COBLL1: variants seen among roughly 807,000 people sequenced by gnomAD.
COBLL1 encodes cordon-bleu protein-like 1.
In COBLL1, 50 loss-of-function variants were observed where a neutral mutation model predicts 94.8. That is an observed-to-expected ratio of 0.53 (90% CI 0.42 to 0.67). The LOEUF (loss-of-function observed/expected upper bound fraction) is 0.67. Ranked by LOEUF, COBLL1 falls within the 30% of genes least tolerant of loss-of-function variation. The pLI is 0.00. For missense variants in COBLL1, 1,362 were observed against 1,348.7 expected (o/e 1.01, Z -0.15); for synonymous variants, 448 against 473.8 (o/e 0.95, Z 0.71).
At chr2:164,748,705 T>C (rs761033046) in intron 2 of COBLL1, among the ~76,000 whole-genome samples, 9 of 152,056 alleles carry the variant, frequency 5.9e-5, no homozygotes, top group Non-Finnish European at 1.3e-4. Context: ...CCCTTAACAG[T>C]AAACAACAGC....
At chr2:164,820,873 T>C (rs1478018025) in intron 2 of COBLL1, among the ~76,000 whole-genome samples, 1 of 152,112 alleles carries the variant, frequency 6.6e-6, no homozygotes, top group African/African-American at 2.4e-5. Context: ...AGAAATGACA[T>C]GGACAATTTT....
intron 2 of COBLL1, among the ~76,000 whole-genome samples, chr2:164,809,830 A>G (rs1340066665): frequency 1.3e-4 from 19 of 151,908 alleles, no homozygotes. Flanking sequence ...AGATATTCAC[A>G]TGACATTAAC....
chr2:164,798,913 G>A (rs559311872), intron 2 of COBLL1, among the ~76,000 whole-genome samples: 5 of 151,458 alleles, frequency 3.3e-5, no homozygotes, highest in Admixed American at 6.6e-5. Context: ...CCAGATACTC[G>A]GGAGGCTGAG....
At chr2:164,803,373 G>A (rs374451128) in intron 2 of COBLL1, among the ~76,000 whole-genome samples, 30 of 151,690 alleles carry the variant, frequency 2.0e-4, no homozygotes, top group African/African-American at 5.8e-4. Flanking sequence ...AGACCATCCC[G>A]GCTAAAACGG....
rs1007074192 is a variant in COBLL1 at position 164,675,125 on chromosome 2, GA to G, written n.127-9225del. Among the ~76,000 whole-genome samples the G allele has an allele frequency of 8.1e-5, 12 of 148,612 alleles. 1 individual carries two copies. The highest frequency in any genetic ancestry group is 2.2e-4 in the African/African-American group (9 of 40,712). On this transcript the variant is annotated intron_variant and non_coding_transcript_variant, in intron 1 of 2. Coordinates refer to the COBLL1 transcript ENST00000495084. ...TGTCTTGATAAAGACAAGTACTTCAGAAAAAAAAAATGAGGAGACCAACAGC... is the reference window on the plus strand; with the variant it reads ...TGTCTTGATAAAGACAAGTACTTCAGAAAAAAAAATGAGGAGACCAACAGC...
At chr2:164,834,230 A>T (rs187597088) in intron 2 of COBLL1, among the ~76,000 whole-genome samples, 260 of 152,338 alleles carry the variant, frequency 1.7e-3, no homozygotes, top group Non-Finnish European at 2.9e-3. Flanking sequence ...AAAAAACTGG[A>T]TAAGAACTCC....
chr2:164,693,863 T>C (rs1683748141), intron 12 of COBLL1, among the ~76,000 whole-genome samples: 1 of 152,154 alleles, frequency 6.6e-6, no homozygotes, highest in African/African-American at 2.4e-5. Context: ...TACTATTATT[T>C]TTCCATTTCA....
intron 10 of COBLL1, 101 bp downstream of exon 10, chr2:164,700,421 G>T (rs547240396): frequency 1.4e-6 from 1 of 716,022 alleles, no homozygotes; most frequent in African/African-American, 1.8e-5. Flanking sequence ...CAAAACCAAA[G>T]GGCTGACTAT....
chr2:164,730,530 C>T (rs1685953169), intron 3 of COBLL1, among the ~76,000 whole-genome samples: 1 of 151,852 alleles, frequency 6.6e-6, no homozygotes, highest in African/African-American at 2.4e-5. Flanking sequence ...ACAACAACAA[C>T]AACAACAAAA....
At chr2:164,675,545 TTC>T (rs1214786861), downstream of COBLL1, among the ~76,000 whole-genome samples, 3 of 152,102 alleles carry the variant, frequency 2.0e-5, no homozygotes, top group African/African-American at 7.2e-5. Flanking sequence ...TCAAACTCAT[TTC>T]TCTGAGATTT....
chr2:164,742,129 C>T (rs769832602), intron 3 of COBLL1, among the ~76,000 whole-genome samples: 9 of 151,704 alleles, frequency 5.9e-5, no homozygotes, highest in East Asian at 1.9e-4. Flanking sequence ...ATAACTATGA[C>T]GGGTGACAGG....
At chr2:164,778,138 A>C (rs1168664137) in intron 2 of COBLL1, among the ~76,000 whole-genome samples, 1 of 152,202 alleles carries the variant, frequency 6.6e-6, no homozygotes, top group East Asian at 1.9e-4. Flanking sequence ...TGAGAAAATC[A>C]GACAGACTGA....
intron 7 of COBLL1, among the ~76,000 whole-genome samples, chr2:164,713,524 T>C (rs1041803341): frequency 1.3e-5 from 2 of 152,176 alleles, no homozygotes; most frequent in African/African-American, 2.4e-5. Context: ...TTGTACCTTT[T>C]TGGTTAATAA....
chr2:164,727,151 A>C, intron 5 of COBLL1: 1 of 1,486,158 alleles, frequency 6.7e-7, no homozygotes, highest in Non-Finnish European at 9.1e-7. Context: ...GTGGCTACAG[A>C]AGGAGGGGTA....
chr2:164,815,398 CAAA>C (rs66834267), intron 2 of COBLL1, among the ~76,000 whole-genome samples: 123 of 112,022 alleles, frequency 1.1e-3, no homozygotes, highest in Admixed American at 3.3e-3. Flanking sequence ...TATCCTATCT[CAAA>C]AAAAAAAAAA....
chr2:164,703,547 T>C (rs1684427577), intron 9 of COBLL1: 1 of 404,372 alleles, frequency 2.5e-6, no homozygotes, highest in African/African-American at 2.2e-5. Flanking sequence ...TCATTACTAG[T>C]TATCTGAGAG....
intron 2 of COBLL1, among the ~76,000 whole-genome samples, chr2:164,778,636 T>C (rs1236681835): frequency 6.6e-6 from 1 of 152,142 alleles, no homozygotes; most frequent in Non-Finnish European, 1.5e-5. Flanking sequence ...TTGTAGGCCA[T>C]ACTGAATTTA....
In COBLL1 at chr2:164,682,174, T is replaced by C. The variant is rs1683071626; in HGVS notation, c.*3772A>G. ...TAGCAATCTTTGCACACCTTTTAAA[T>C]ATGTGGATCAAATAAAAATCTTGTT... On this transcript the variant is annotated 3_prime_UTR_variant, in exon 14 of 14. Coordinates refer to ENST00000652658, the MANE Select transcript of COBLL1 (RefSeq NM_001365672.2). 1 of 152,194 alleles carries C rather than the reference T, an allele frequency of 6.6e-6. No homozygotes were observed. Among genetic ancestry groups the C allele is most frequent in the South Asian group, 2.1e-4 (1 of 4,834 alleles). 9.4% of individuals were successfully genotyped at this position (152,194 alleles called of 1,614,324 possible). A position where few individuals can be genotyped will look rare whatever the true frequency, so the allele number is the denominator to read the frequency against.
intron 9 of COBLL1, chr2:164,703,590 C>A: frequency 4.7e-6 from 2 of 423,548 alleles, no homozygotes; most frequent in Admixed American, 3.4e-5. Context: ...GTGAAGAATT[C>A]TTACATATAT....
Sources: allele counts gnomAD v4.1 joint callset (sites outside exome capture counted in the v4.1 genomes callset), GRCh38; gene constraint gnomAD v4.1.1; transcripts MANE v1.5; gene names NCBI Gene and HGNC (gene_info 2026-07-23, HGNC 2026-07-21).